PHLPP1: variants seen among roughly 807,000 people sequenced by gnomAD.
PHLPP1 encodes the protein PH domain and leucine rich repeat protein phosphatase 1.
PHLPP1 carries 42 observed loss-of-function variants against 117.2 expected under a neutral mutation model. The observed-to-expected ratio is 0.36, with a 90% CI of 0.28 to 0.46. The LOEUF is 0.46. Ranked by LOEUF, PHLPP1 falls within the 20% of genes least tolerant of loss-of-function variation. The probability of loss-of-function intolerance (pLI) is 1.00; values close to 1 mark genes in which losing one functional copy is unlikely to be tolerated. For missense variants in PHLPP1, 2,084 were observed against 2,241.9 expected, an observed-to-expected ratio of 0.93 and a Z score of 1.42; for synonymous variants, 1,042 against 970.7, an observed-to-expected ratio of 1.07 and a Z score of -1.37.
chr18:62,876,541 TA>T (rs1477152227), intron 4 of PHLPP1, among the ~76,000 whole-genome samples: 2 of 152,230 alleles, frequency 1.3e-5, no homozygotes, highest in African/African-American at 4.8e-5. Context: ...AAGTCCTTAA[TA>T]AATACTCACT....
intron 8 of PHLPP1, among the ~76,000 whole-genome samples, chr18:62,912,354 A>T (rs1057228938): frequency 7.7e-6 from 1 of 130,550 alleles, no homozygotes; most frequent in Non-Finnish European, 1.7e-5. Flanking sequence ...CATCAAAAAA[A>T]AAATTTTTTT....
intron 1 of PHLPP1, among the ~76,000 whole-genome samples, chr18:62,792,427 T>C (rs1368040444): frequency 6.6e-6 from 1 of 152,196 alleles, no homozygotes; most frequent in African/African-American, 2.4e-5. Context: ...CACTTTCTTC[T>C]GGTGGGAAAA....
chr18:62,736,047 G>C (rs1450151808), intron 1 of PHLPP1, among the ~76,000 whole-genome samples: 3 of 152,072 alleles, frequency 2.0e-5, no homozygotes, highest in African/African-American at 4.8e-5. Flanking sequence ...CCCAGAGATG[G>C]CCTGGAATCT....
In PHLPP1 at chr18:62,937,283, T is replaced by C. The variant is rs1156304962; in HGVS notation, c.2961-4435T>C. On this transcript the variant is annotated intron_variant, in intron 10 of 16. Coordinates refer to ENST00000262719, the MANE Select transcript of PHLPP1 (RefSeq NM_194449.4). ...GTCTCACTGTTGTTGCGGGTGACTT[T>C]CCAAACACTTTAGGGCAGGAGCCAT... Among the ~76,000 whole-genome samples the C allele has an allele frequency of 2.6e-5, 4 of 152,242 alleles. No individual in the cohort carries two copies. In the East Asian group the frequency reaches 7.7e-4, roughly 29 times the overall value.
intron 2 of PHLPP1, among the ~76,000 whole-genome samples, chr18:62,836,790 C>T (rs552222602): frequency 1.3e-5 from 2 of 150,910 alleles, no homozygotes; most frequent in African/African-American, 4.9e-5. Flanking sequence ...AGGGGCCAGG[C>T]GTGGCTCATG....
At chr18:62,860,007 G>A (rs915605174) in intron 3 of PHLPP1, among the ~76,000 whole-genome samples, 2 of 152,318 alleles carry the variant, frequency 1.3e-5, no homozygotes, top group South Asian at 4.1e-4. Flanking sequence ...AAACATCAGT[G>A]TGTACTTACA....
chr18:62,843,404 C>T (rs776340602), intron 3 of PHLPP1, among the ~76,000 whole-genome samples: 2 of 152,140 alleles, frequency 1.3e-5, no homozygotes, highest in Non-Finnish European at 2.9e-5. Context: ...GGATTTTCAG[C>T]TACAAGAGAA....
chr18:62,975,413 G>A lies in PHLPP1; in HGVS notation c.3772G>A (p.Gly1258Arg). Residue 1258 changes from glycine (G) to arginine (R), a missense_variant, in exon 16 of 17, where the codon GGG becomes AGG. By Grantham distance (125) the Gly-to-Arg change is moderately radical (BLOSUM62 -2). This residue lies in a region of PHLPP1 where 1,365 missense variants were observed against 1,605.9 expected (regional missense o/e 0.85). Transcript: ENST00000262719. ...GGATTCCAGGAAACTTGGAACTGCT[G>A]GGCAGAAGCTTGGTGGTGCCGCTGT... ...IVMQRKLGTAGQKLGGAAVLC... is the reference protein window; with the variant it reads ...IVMQRKLGTARQKLGGAAVLC... 1 of 1,613,078 alleles carries A rather than the reference G, an allele frequency of 6.2e-7. No individual in the cohort carries two copies. The highest frequency in any genetic ancestry group is 8.5e-7 in the Non-Finnish European group (1 of 1,179,400).
At chr18:62,861,240 G>C (rs1450508188) in intron 4 of PHLPP1, among the ~76,000 whole-genome samples, 5 of 152,124 alleles carry the variant, frequency 3.3e-5, no homozygotes, top group Non-Finnish European at 1.5e-5. Flanking sequence ...CTCCCGAGTA[G>C]CTGGGATTAC....
At chr18:62,741,300 T>G (rs768935760) in intron 1 of PHLPP1, among the ~76,000 whole-genome samples, 21 of 152,224 alleles carry the variant, frequency 1.4e-4, no homozygotes, top group Non-Finnish European at 2.8e-4. Context: ...CACAAAGGTT[T>G]GTTTGTGTTC....
chr18:62,750,316 A>C (rs1378368304), intron 1 of PHLPP1, among the ~76,000 whole-genome samples: 1 of 152,096 alleles, frequency 6.6e-6, no homozygotes, highest in African/African-American at 2.4e-5. Context: ...TGTCCTCATG[A>C]GGCTTTCACC....
At chr18:62,758,207 CT>C (rs1031692133) in intron 1 of PHLPP1, among the ~76,000 whole-genome samples, 1 of 152,064 alleles carries the variant, frequency 6.6e-6, no homozygotes, top group Middle Eastern at 3.2e-3. Context: ...GTAATTGTAA[CT>C]TTTTTTTCTT....
intron 3 of PHLPP1, among the ~76,000 whole-genome samples, chr18:62,842,152 G>T (rs1915070091): frequency 6.6e-6 from 1 of 152,136 alleles, no homozygotes. Context: ...GGTCATCCTT[G>T]ATGGGTCAAA....
intron 10 of PHLPP1, among the ~76,000 whole-genome samples, chr18:62,937,307 A>C (rs1910003471): frequency 6.6e-6 from 1 of 152,272 alleles, no homozygotes. Context: ...GGCAGGAGCC[A>C]TATCTGTGTG....
chr18:62,853,716 C>T (rs186387493), intron 3 of PHLPP1, among the ~76,000 whole-genome samples: 11 of 152,328 alleles, frequency 7.2e-5, no homozygotes, highest in African/African-American at 2.6e-4. Flanking sequence ...GGCACAGTTA[C>T]CTTCAACTGA....
At chr18:62,809,794 A>G (rs1914059597) in intron 1 of PHLPP1, among the ~76,000 whole-genome samples, 1 of 152,076 alleles carries the variant, frequency 6.6e-6, no homozygotes, top group South Asian at 2.1e-4. Flanking sequence ...TTTTTACCCT[A>G]GATGCTGGTT....
chr18:62,717,273 C>T lies in PHLPP1; in HGVS notation c.1576+14C>T, dbSNP rs563876648. On this transcript the variant is annotated intron_variant, in intron 1 of 16. Coordinates refer to ENST00000262719, the MANE Select transcript of PHLPP1 (RefSeq NM_194449.4). ...GCTTCTATGCAGGTAAGGAAGTCAC[C>T]TGCCTTGACGGGTGGTTGCAAAAGC... 4 of 1,554,496 alleles carry T rather than the reference C, an allele frequency of 2.6e-6. No homozygotes were observed. The African/African-American group carries it at 5.4e-5, about 21-fold the overall frequency.
At chr18:62,777,991 C>A (rs976750900) in intron 1 of PHLPP1, among the ~76,000 whole-genome samples, 12 of 152,138 alleles carry the variant, frequency 7.9e-5, no homozygotes, top group Non-Finnish European at 1.6e-4. Context: ...CCAAGAGTTG[C>A]CTAAATCTAG....
At chr18:62,938,233 T>C (rs147895377) in intron 10 of PHLPP1, among the ~76,000 whole-genome samples, 80 of 152,320 alleles carry the variant, frequency 5.3e-4, no homozygotes, top group South Asian at 1.9e-3. Context: ...AGGAAGAAGC[T>C]TGAGGATAGT....
Sources: allele counts gnomAD v4.1 joint callset (sites outside exome capture counted in the v4.1 genomes callset), GRCh38; gene constraint gnomAD v4.1.1; regional missense constraint gnomAD v4.1.1; transcripts MANE v1.5; gene names NCBI Gene and HGNC (gene_info 2026-07-23, HGNC 2026-07-21).